RANBP17: variants seen among roughly 807,000 people sequenced by gnomAD.
RANBP17 encodes RAN binding protein 17, also known as ran-binding protein 17.
A neutral mutation model predicts 141.2 loss-of-function variants in RANBP17; 158 were observed. That is an observed-to-expected ratio of 1.12 (90% CI 0.98 to 1.28). The LOEUF (loss-of-function observed/expected upper bound fraction) is 1.28, where lower values mean the gene tolerates loss of function less well. RANBP17 is among the 50% of genes most tolerant of loss of function. The pLI, the probability that RANBP17 is intolerant of heterozygous loss-of-function variation, is 0.00. For synonymous variants in RANBP17, 430 were observed against 450.0 expected, an observed-to-expected ratio of 0.96 and a Z score of 0.56; for missense variants, 1,438 against 1,290.7, an observed-to-expected ratio of 1.11 and a Z score of -1.75.
chr5:171,256,461 G>A (rs764139714), intron 24 of RANBP17, among the ~76,000 whole-genome samples: 3 of 152,164 alleles, frequency 2.0e-5, no homozygotes, highest in Non-Finnish European at 4.4e-5. Flanking sequence ...ATCCAAAAAA[G>A]TGGAAAGATT....
At chr5:171,006,779 C>G (rs1325772535) in intron 14 of RANBP17, among the ~76,000 whole-genome samples, 1 of 151,602 alleles carries the variant, frequency 6.6e-6, no homozygotes, top group African/African-American at 2.4e-5. Flanking sequence ...GCCTTCTGGC[C>G]CCTCTGGGTC....
intron 14 of RANBP17, among the ~76,000 whole-genome samples, chr5:171,087,546 C>G (rs1327004021): frequency 2.6e-5 from 4 of 151,746 alleles, no homozygotes; most frequent in South Asian, 4.2e-4. Context: ...GTTGATCTGT[C>G]TAATGTTGAC....
chr5:170,961,425 T>G (rs1054222061), intron 13 of RANBP17, among the ~76,000 whole-genome samples: 1 of 152,206 alleles, frequency 6.6e-6, no homozygotes, highest in Non-Finnish European at 1.5e-5. Flanking sequence ...TATTCTGTGC[T>G]TTTTACCAGA....
chr5:171,168,001 C>T (rs1274682628), intron 14 of RANBP17, among the ~76,000 whole-genome samples: 1 of 152,098 alleles, frequency 6.6e-6, no homozygotes, highest in African/African-American at 2.4e-5. Context: ...ATAATATAGT[C>T]CTAGTAGATC....
intron 3 of RANBP17, among the ~76,000 whole-genome samples, chr5:170,891,847 G>A (rs1377166240): frequency 6.6e-6 from 1 of 152,144 alleles, no homozygotes; most frequent in Non-Finnish European, 1.5e-5. Flanking sequence ...TATCAGCCTG[G>A]TTTCGGTTTT....
chr5:171,141,219 C>T (rs998613762), intron 14 of RANBP17, among the ~76,000 whole-genome samples: 15 of 152,020 alleles, frequency 9.9e-5, no homozygotes, highest in African/African-American at 3.6e-4. Flanking sequence ...AGATCTCTTT[C>T]TCAGTGGAAA....
intron 14 of RANBP17, among the ~76,000 whole-genome samples, chr5:171,104,421 A>T (rs1351728192): frequency 6.6e-6 from 1 of 152,240 alleles, no homozygotes; most frequent in African/African-American, 2.4e-5. Flanking sequence ...AAGAGAACAT[A>T]AATGCAATAG....
At chr5:171,088,827 T>C (rs1486208735) in intron 14 of RANBP17, among the ~76,000 whole-genome samples, 8 of 152,146 alleles carry the variant, frequency 5.3e-5, no homozygotes, top group Non-Finnish European at 1.0e-4. Flanking sequence ...CTCCTTTAAG[T>C]ACTTCTCTTT....
rs2914101 is a variant in RANBP17, at chr5:171,265,020, C to G, written c.2777-661C>G. ...GCATTATGCTACAGTGACTTGCACA[C>G]TAAACCATGAGTTCTTTGACACCAG... On this transcript the variant is annotated intron_variant, in intron 24 of 27. Transcript: ENST00000523189. 7.4e-3 allele frequency among the ~76,000 whole-genome samples: 1,121 copies of G among 152,312 alleles called. 14 individuals carry two copies. Among genetic ancestry groups the G allele is most frequent in the African/African-American group, 0.026 (1,061 of 41,574 alleles).
At position 170,916,446 on chromosome 5, in the gene RANBP17, T is replaced by A. The variant is rs371920653; in HGVS notation, c.835-19T>A. 44 of 1,506,738 alleles carry A rather than the reference T, an allele frequency of 2.9e-5. No individual in the cohort carries two copies. The highest frequency in any genetic ancestry group is 3.9e-5 in the Non-Finnish European group (44 of 1,123,098). The allele number at this position is 1,506,738 out of a possible 1,614,324, so 93.3% of individuals were successfully genotyped here. On this transcript the variant is annotated intron_variant, in intron 8 of 27. Transcript: ENST00000523189. Reference sequence around the variant, plus strand: ...AGATACTTTGAAAATTGAAATGAAATTTTTTTGGTATTTTTTAGGCACTTT... The same window carrying A: ...AGATACTTTGAAAATTGAAATGAAAATTTTTTGGTATTTTTTAGGCACTTT...
Position 170,991,619 on chromosome 5 carries a change from G to A in RANBP17, c.1710+23242G>A, listed in dbSNP as rs145742004. 2.9e-3 allele frequency among the ~76,000 whole-genome samples: 448 copies of A among 151,998 alleles called. 2 individuals carry two copies. The highest frequency in any genetic ancestry group is 0.01 in the African/African-American group (425 of 41,504). ...CAGATAGATCTCCAGCCAGCTCTGG[G>A]CTTCAACTAGCTCTCACTACCCCTG... On this transcript the variant is annotated intron_variant, in intron 14 of 27. Coordinates refer to ENST00000523189, the MANE Select transcript of RANBP17 (RefSeq NM_022897.5).
At chr5:171,023,724 A>G (rs113975764) in intron 14 of RANBP17, among the ~76,000 whole-genome samples, 4,032 of 152,298 alleles carry the variant, frequency 0.026, 162 homozygotes, top group African/African-American at 0.091. Flanking sequence ...TGACAATTCC[A>G]GAACTCTACC....
chr5:171,252,828 T>C (rs1179017465), intron 24 of RANBP17: 2 of 1,231,506 alleles, frequency 1.6e-6, no homozygotes, highest in Non-Finnish European at 2.4e-6. Flanking sequence ...GAGGCCATTG[T>C]ATTGTAATAG....
chr5:170,939,150 G>T (rs1774122056), intron 12 of RANBP17, among the ~76,000 whole-genome samples: 1 of 152,088 alleles, frequency 6.6e-6, no homozygotes, highest in African/African-American at 2.4e-5. Flanking sequence ...TAACTGCCAG[G>T]CTGTTATTGT....
At chr5:171,044,280 T>C (rs1025709139) in intron 14 of RANBP17, among the ~76,000 whole-genome samples, 20 of 152,032 alleles carry the variant, frequency 1.3e-4, no homozygotes, top group Admixed American at 6.6e-4. Flanking sequence ...ATTGTATTGT[T>C]TATGAGTACA....
At position 171,299,174 on chromosome 5, in the gene RANBP17, A is replaced by T; in HGVS notation, c.*316A>T. 2 of 293,336 alleles carry T rather than the reference A, an allele frequency of 6.8e-6. No homozygotes were observed. The highest frequency in any genetic ancestry group is 1.3e-5 in the Non-Finnish European group (2 of 154,486). The allele number at this position is 293,336 out of a possible 1,614,324, so 18.2% of individuals were successfully genotyped here. A position where few individuals can be genotyped will look rare whatever the true frequency, so the allele number is the denominator to read the frequency against. On this transcript the variant is annotated 3_prime_UTR_variant, in exon 28 of 28. Coordinates refer to ENST00000523189, the MANE Select transcript of RANBP17 (RefSeq NM_022897.5). ...AAAGAACGTAATAAACCAGGTTTGC[A>T]CCTAAGTGTGTACTAGTTTATGGTT...
In RANBP17 at chr5:170,910,962, T is replaced by C. The variant is rs1771473681; in HGVS notation, c.595-7T>C. The C allele has an allele frequency of 1.2e-6, 2 of 1,609,202 alleles. No homozygotes were observed. Among genetic ancestry groups the C allele is most frequent in the Non-Finnish European group, 1.7e-6 (2 of 1,177,704 alleles). ...CAGTGTTTTCTTTGATTTTGTACTT[T>C]TTTCAGGTGTTTGCCAAACCTTTAA... On this transcript the variant is annotated splice_region_variant and splice_polypyrimidine_tract_variant and intron_variant, in intron 6 of 27. Coordinates refer to ENST00000523189, the MANE Select transcript of RANBP17 (RefSeq NM_022897.5).
intron 16 of RANBP17, among the ~76,000 whole-genome samples, chr5:171,182,378 A>T (rs1441938440): frequency 6.6e-6 from 1 of 152,170 alleles, no homozygotes; most frequent in African/African-American, 2.4e-5. Context: ...CCGATTTCTT[A>T]ACTTTATGCT....
Position 171,171,189 on chromosome 5 carries a change from CT to C in RANBP17, c.1785-10del, listed in dbSNP as rs751209366. The C allele has an allele frequency of 4.2e-6, 6 of 1,438,350 alleles. No homozygotes were observed. In the East Asian group the frequency reaches 6.9e-5, roughly 17 times the overall value. 89.1% of individuals were successfully genotyped at this position (1,438,350 alleles called of 1,614,324 possible). A position where few individuals can be genotyped will look rare whatever the true frequency, so the allele number is the denominator to read the frequency against. On this transcript the variant is annotated splice_polypyrimidine_tract_variant and intron_variant, in intron 15 of 27. Transcript: ENST00000523189. ...CAAATATCTTACTTATAATTAAAGA[CT>C]TTTTTTCATATTTAGTGTTACAAAC...
Sources: allele counts gnomAD v4.1 joint callset (sites outside exome capture counted in the v4.1 genomes callset), GRCh38; gene constraint gnomAD v4.1.1; transcripts MANE v1.5; gene names NCBI Gene and HGNC (gene_info 2026-07-23, HGNC 2026-07-21).